Variants in KCNU1 observed in about 807,000 individuals in gnomAD.
KCNU1 encodes potassium channel subfamily U member 1.
KCNU1 carries 93 observed loss-of-function variants against 126.8 expected under a neutral mutation model. The ratio of observed to expected loss-of-function variants is 0.73; its 90% CI spans 0.62 to 0.87. The LOEUF (loss-of-function observed/expected upper bound fraction) is 0.87. KCNU1 is among the 40% of genes least tolerant of loss of function. KCNU1 has a pLI of 0.00. For missense variants in KCNU1, 1,330 were observed against 1,367.1 expected, an observed-to-expected ratio of 0.97 and a Z score of 0.43; for synonymous variants, 523 against 494.2, an observed-to-expected ratio of 1.06 and a Z score of -0.77.
intron 10 of KCNU1, among the ~76,000 whole-genome samples, chr8:36,828,507 G>T (rs1319965608): frequency 6.6e-6 from 1 of 151,934 alleles, no homozygotes; most frequent in East Asian, 1.9e-4. Context: ...TTTATAGAAG[G>T]AATATCATAC....
chr8:36,911,876 C>T (rs117160034), intron 22 of KCNU1, among the ~76,000 whole-genome samples: 165 of 152,286 alleles, frequency 1.1e-3, no homozygotes, highest in Middle Eastern at 3.4e-3. Context: ...ATTCCCATGA[C>T]AGAATTGTGA....
At chr8:36,887,592 G>A (rs1391886341) in intron 19 of KCNU1, among the ~76,000 whole-genome samples, 1 of 151,810 alleles carries the variant, frequency 6.6e-6, no homozygotes, top group Non-Finnish European at 1.5e-5. Context: ...CATGGTTGAT[G>A]GTCTTCTTAT....
Position 36,805,213 on chromosome 8 carries a change from A to T in KCNU1, c.396A>T (p.Ser132=), listed in dbSNP as rs760752146. 8.7e-6 allele frequency: 14 copies of T among 1,610,306 alleles called. No homozygotes were observed. Among genetic ancestry groups the T allele is most frequent in the Non-Finnish European group, 1.2e-5 (14 of 1,177,748 alleles). The change falls in exon 4 of 27, where the codon TCA becomes TCT. Residue 132 remains serine (S), a synonymous_variant. Coordinates refer to ENST00000399881, the MANE Select transcript of KCNU1 (RefSeq NM_001031836.3). ...INSADPVGSC[S]SYEDKTIPID... ...TTTCCAGCCCTGTTGGAAGCTGTTC[A>T]TCATATGAAGACAAAACCATTCCTA...
intron 7 of KCNU1, among the ~76,000 whole-genome samples, 198 bp downstream of exon 7, chr8:36,808,991 G>C (rs781639646): frequency 3.3e-5 from 5 of 151,994 alleles, no homozygotes; most frequent in Non-Finnish European, 7.4e-5. Context: ...AGGTGTCTCT[G>C]TTCCCTCTTC....
At position 36,804,108 on chromosome 8, in the gene KCNU1, A is replaced by C; in HGVS notation, c.377+20A>C. On this transcript the variant is annotated intron_variant, in intron 3 of 26. Transcript: ENST00000399881. ...TGCTGAGTGAGTACAATGTCCAGTC[A>C]CACTTGTCTGCTATATCAGTACATT... The C allele has an allele frequency of 6.7e-7, 1 of 1,501,302 alleles. No individual in the cohort carries two copies. The allele number at this position is 1,501,302 out of a possible 1,614,324, so 93.0% of individuals were successfully genotyped here. A position where few individuals can be genotyped will look rare whatever the true frequency, so the allele number is the denominator to read the frequency against.
At chr8:36,807,518 A>G (rs987954682) in intron 6 of KCNU1, 68 bp downstream of exon 6, 2 of 1,109,104 alleles carry the variant, frequency 1.8e-6, no homozygotes, top group African/African-American at 1.5e-5. Context: ...TATTAACTGG[A>G]CCCTAAACTC....
At chr8:36,928,558 T>A (rs773478993) in intron 24 of KCNU1, among the ~76,000 whole-genome samples, 2 of 152,184 alleles carry the variant, frequency 1.3e-5, no homozygotes, top group Non-Finnish European at 2.9e-5. Context: ...CTAAGTCATC[T>A]TTTAACCTAA....
chr8:36,852,103 ATT>A (rs536054048), intron 18 of KCNU1, among the ~76,000 whole-genome samples: 9 of 151,176 alleles, frequency 6.0e-5, no homozygotes, highest in Non-Finnish European at 1.2e-4. Flanking sequence ...GATGTTTGTC[ATT>A]TTTTTTGCTT....
At chr8:36,932,300 A>T (rs1284802154) in intron 25 of KCNU1, among the ~76,000 whole-genome samples, 1 of 152,068 alleles carries the variant, frequency 6.6e-6, no homozygotes, top group African/African-American at 2.4e-5. Flanking sequence ...ATCAAAGAGG[A>T]TGGTAGACTT....
intron 23 of KCNU1, among the ~76,000 whole-genome samples, chr8:36,921,775 G>GT (rs1460460217): frequency 3.9e-5 from 6 of 151,996 alleles, no homozygotes; most frequent in Non-Finnish European, 7.4e-5. Flanking sequence ...CAGGGTCTGA[G>GT]TTGGAGCCTG....
chr8:36,834,653 C>T, intron 11 of KCNU1, 133 bp from the exon 12 acceptor site: 1 of 607,310 alleles, frequency 1.6e-6, no homozygotes, highest in Non-Finnish European at 3.0e-6. Context: ...ATCCTCATTA[C>T]AACTTATTCC....
chr8:36,866,808 C>A (rs926830425), intron 19 of KCNU1, among the ~76,000 whole-genome samples: 1 of 151,820 alleles, frequency 6.6e-6, no homozygotes, highest in East Asian at 1.9e-4. Flanking sequence ...TTGGCAGCAC[C>A]GTAAAGTGAC....
intron 24 of KCNU1, among the ~76,000 whole-genome samples, chr8:36,928,397 T>C (rs2117606886): frequency 6.6e-6 from 1 of 152,190 alleles, no homozygotes; most frequent in South Asian, 2.1e-4. Flanking sequence ...TGGTTCAACC[T>C]GGATTTATGT....
At chr8:36,806,411 T>C in intron 5 of KCNU1, 31 bp downstream of exon 5, 1 of 1,100,560 alleles carries the variant, frequency 9.1e-7, no homozygotes, top group Non-Finnish European at 1.3e-6. Flanking sequence ...GGTAGCAATA[T>C]CTATGAATAA....
intron 19 of KCNU1, among the ~76,000 whole-genome samples, chr8:36,881,762 T>G (rs1328924213): frequency 6.6e-6 from 1 of 151,558 alleles, no homozygotes; most frequent in Non-Finnish European, 1.5e-5. Context: ...TATTTTTTCC[T>G]GCCTACCTCA....
chr8:36,871,390 CAT>C (rs35847916), intron 19 of KCNU1, among the ~76,000 whole-genome samples: 10 of 148,556 alleles, frequency 6.7e-5, no homozygotes, highest in African/African-American at 7.4e-5. Context: ...AGCAAAGTAC[CAT>C]ATATATATAT....
At chr8:36,851,383 CTCTA>C (rs1474903355) in intron 18 of KCNU1, among the ~76,000 whole-genome samples, 1,564 of 118,684 alleles carry the variant, frequency 0.013, 26 homozygotes, top group African/African-American at 0.036. Context: ...TTCTCTCTCT[CTCTA>C]TCTCTCTCTC....
chr8:36,790,933 C>T (rs897485165), intron 2 of KCNU1, among the ~76,000 whole-genome samples: 3 of 148,256 alleles, frequency 2.0e-5, no homozygotes, highest in Non-Finnish European at 4.5e-5. Context: ...AGGGAGAATA[C>T]ATGGGCAACC....
intron 15 of KCNU1, 52 bp downstream of exon 15, chr8:36,840,627 A>G: frequency 1.9e-6 from 2 of 1,046,982 alleles, no homozygotes; most frequent in Non-Finnish European, 3.0e-6. Context: ...CATTCTTTCA[A>G]CAACGTTCAC....
Sources: gnomAD v4.1 joint callset for allele counts (sites outside exome capture counted in the v4.1 genomes callset) on GRCh38, gnomAD v4.1.1 for gene constraint, MANE v1.5 for transcripts, NCBI Gene and HGNC (gene_info 2026-07-23, HGNC 2026-07-21) for gene names.